The following PLA2G10 variants were observed in gnomAD, a reference collection of about 807,000 sequenced individuals.
The protein encoded by PLA2G10 is group 10 secretory phospholipase A2.
A neutral mutation model predicts 7.9 loss-of-function variants in PLA2G10; 9 were observed. The ratio of observed to expected loss-of-function variants is 1.14; its 90% CI spans 0.68 to 1.98. The LOEUF (loss-of-function observed/expected upper bound fraction) is 1.98. Ranked by LOEUF, PLA2G10 falls within the 30% of genes most tolerant of loss-of-function variation. PLA2G10 has a pLI of 0.00. For missense variants in PLA2G10, 53 were observed against 65.4 expected (o/e 0.81, Z 0.66); for synonymous variants, 19 against 27.5 (o/e 0.69, Z 0.97).
At chr16:14,681,639 C>T (rs1960895719) in intron 3 of PLA2G10, among the ~76,000 whole-genome samples, 1 of 150,808 alleles carries the variant, frequency 6.6e-6, no homozygotes, top group South Asian at 2.1e-4. Context: ...TAAGTCAGGC[C>T]CATAAATGGA....
intron 3 of PLA2G10, among the ~76,000 whole-genome samples, chr16:14,686,674 A>G (rs942177162): frequency 3.9e-5 from 6 of 152,070 alleles, no homozygotes; most frequent in Admixed American, 3.9e-4. Context: ...GTAATTTTGT[A>G]TTTTTAGTAG....
intron 3 of PLA2G10, among the ~76,000 whole-genome samples, chr16:14,679,660 C>CAA (rs770745365): frequency 3.8e-5 from 5 of 130,484 alleles, no homozygotes; most frequent in Admixed American, 7.7e-5. Context: ...GACTCCACCT[C>CAA]AAAAAAAAAA....
intron 3 of PLA2G10, among the ~76,000 whole-genome samples, chr16:14,679,318 G>C (rs1050065865): frequency 6.6e-6 from 1 of 152,012 alleles, no homozygotes; most frequent in Non-Finnish European, 1.5e-5. Context: ...AGGATTGCTT[G>C]AGGTCAGGAG....
chr16:14,683,534 C>T (rs908014422), intron 3 of PLA2G10, among the ~76,000 whole-genome samples: 5 of 151,980 alleles, frequency 3.3e-5, no homozygotes, highest in South Asian at 2.1e-4. Flanking sequence ...CCACTCCTGG[C>T]GGTGATTTTC....
chr16:14,675,284 A>C (rs904568557), intron 3 of PLA2G10, among the ~76,000 whole-genome samples: 1 of 152,034 alleles, frequency 6.6e-6, no homozygotes, highest in African/African-American at 2.4e-5. Flanking sequence ...CTGGATCCCT[A>C]TCTCTCACCA....
At chr16:14,680,574 C>T (rs1010849753) in intron 3 of PLA2G10, among the ~76,000 whole-genome samples, 2 of 152,112 alleles carry the variant, frequency 1.3e-5, no homozygotes, top group African/African-American at 4.8e-5. Flanking sequence ...GTTGCCCAGG[C>T]TGGTCTCAAA....
intron 3 of PLA2G10, among the ~76,000 whole-genome samples, chr16:14,687,313 G>A (rs1961110525): frequency 6.6e-6 from 1 of 151,338 alleles, no homozygotes. Context: ...CTTTAGAAGT[G>A]GTTGGTTAGG....
At chr16:14,683,657 A>G (rs912448405) in intron 3 of PLA2G10, among the ~76,000 whole-genome samples, 6 of 152,206 alleles carry the variant, frequency 3.9e-5, no homozygotes, top group African/African-American at 1.4e-4. Context: ...CTCACTCCGT[A>G]GACAAAAATT....
At chr16:14,686,966 G>A (rs1961090455) in intron 3 of PLA2G10, among the ~76,000 whole-genome samples, 2 of 152,040 alleles carry the variant, frequency 1.3e-5, no homozygotes, top group African/African-American at 4.8e-5. Context: ...ATATTAGCCA[G>A]GTGTAGTGGC....
In PLA2G10 at chr16:14,676,837, A is replaced by G. The variant is rs144541739; in HGVS notation, c.356-4088T>C. ...TTTTGATAGGGATTGCAAGGAAGTT[A>G]CGTCACTTATTCTAACTGATGAAAC... is the stretch of plus-strand genomic sequence containing the variant. On this transcript the variant is annotated intron_variant, in intron 3 of 3. Transcript: ENST00000438167. Among the ~76,000 whole-genome samples the G allele has an allele frequency of 5.1e-4, 77 of 152,344 alleles. No homozygotes were observed. In the East Asian group the frequency reaches 0.012, roughly 23 times the overall value.
chr16:14,678,366 C>G (rs1384765950), intron 3 of PLA2G10, among the ~76,000 whole-genome samples: 1 of 152,170 alleles, frequency 6.6e-6, no homozygotes, highest in Non-Finnish European at 1.5e-5. Flanking sequence ...ACCCCCTGCC[C>G]AAGCCACCTC....
intron 3 of PLA2G10, among the ~76,000 whole-genome samples, chr16:14,685,243 A>G (rs891584865): frequency 4.6e-5 from 7 of 151,856 alleles, no homozygotes; most frequent in Admixed American, 4.6e-4. Context: ...ATGGTGGTGC[A>G]CGTTTGTAAT....
At chr16:14,685,305 G>A (rs1351660796) in intron 3 of PLA2G10, among the ~76,000 whole-genome samples, 2 of 151,512 alleles carry the variant, frequency 1.3e-5, no homozygotes, top group Non-Finnish European at 2.9e-5. Flanking sequence ...CCGGGAGGCG[G>A]AGGTTGCAGT....
At chr16:14,673,395 A>G (rs1960644319) in intron 3 of PLA2G10, among the ~76,000 whole-genome samples, 2 of 143,842 alleles carry the variant, frequency 1.4e-5, no homozygotes, top group African/African-American at 5.2e-5. Flanking sequence ...TTTTTGAGAT[A>G]AGGTCTGTCT....
chr16:14,675,381 C>T (rs1960698618), intron 3 of PLA2G10, among the ~76,000 whole-genome samples: 1 of 151,906 alleles, frequency 6.6e-6, no homozygotes, highest in Non-Finnish European at 1.5e-5. Context: ...TAGAAGAAAA[C>T]CTTGGAAAAA....
At chr16:14,686,136 G>A (rs774426220) in intron 3 of PLA2G10, among the ~76,000 whole-genome samples, 3 of 151,344 alleles carry the variant, frequency 2.0e-5, no homozygotes, top group African/African-American at 2.4e-5. Context: ...TGAGACTGCA[G>A]GTGCACACCA....
intron 3 of PLA2G10, among the ~76,000 whole-genome samples, chr16:14,682,934 T>C (rs1240336399): frequency 6.6e-6 from 1 of 152,068 alleles, no homozygotes; most frequent in Non-Finnish European, 1.5e-5. Flanking sequence ...CTGGGTGTGG[T>C]GGCAGGGGCC....
chr16:14,678,298 G>A (rs1960782285), intron 3 of PLA2G10, among the ~76,000 whole-genome samples: 1 of 152,080 alleles, frequency 6.6e-6, no homozygotes, highest in South Asian at 2.1e-4. Flanking sequence ...GGCAACTCCT[G>A]CAGTTCCATC....
intron 3 of PLA2G10, among the ~76,000 whole-genome samples, chr16:14,678,177 A>C (rs1223508719): frequency 6.6e-6 from 1 of 152,140 alleles, no homozygotes; most frequent in Non-Finnish European, 1.5e-5. Context: ...GGTGGCATAC[A>C]GGGCTGGCTG....
Sources: gnomAD v4.1 joint callset for allele counts (sites outside exome capture counted in the v4.1 genomes callset) on GRCh38, gnomAD v4.1.1 for gene constraint, MANE v1.5 for transcripts, NCBI Gene and HGNC (gene_info 2026-07-23, HGNC 2026-07-21) for gene names.